Variants in CUX2 observed in about 807,000 individuals in gnomAD.
The protein encoded by CUX2 is cut like homeobox 2.
In CUX2, 40 loss-of-function variants were observed where a neutral mutation model predicts 144.8. That is an observed-to-expected ratio of 0.28 (90% CI 0.21 to 0.36). The LOEUF (loss-of-function observed/expected upper bound fraction) is 0.36. Ranked by LOEUF, CUX2 falls within the 10% of genes least tolerant of loss-of-function variation. The probability of loss-of-function intolerance (pLI) is 1.00; values close to 1 mark genes in which losing one functional copy is unlikely to be tolerated. For synonymous variants in CUX2, 827 were observed against 875.6 expected (o/e 0.94, Z 0.98); for missense variants, 1,615 against 1,994.0 (o/e 0.81, Z 3.62).
intron 1 of CUX2, among the ~76,000 whole-genome samples, chr12:111,176,476 A>G (rs572101812): frequency 3.1e-4 from 47 of 152,236 alleles, no homozygotes; most frequent in Non-Finnish European, 5.1e-4. Flanking sequence ...TTCCTCTTCT[A>G]TTACATAAGG....
intron 1 of CUX2, among the ~76,000 whole-genome samples, chr12:111,148,312 G>A (rs944501135): frequency 2.6e-5 from 4 of 152,038 alleles, no homozygotes; most frequent in African/African-American, 9.7e-5. Flanking sequence ...ACTTACAGGA[G>A]GTCCCTAGAG....
chr12:111,310,165 G>A lies in CUX2; in HGVS notation c.1383G>A (p.Gln461=). The change falls in exon 15 of 22, where the codon CAG becomes CAA. Residue 461 remains glutamine, a synonymous_variant. Transcript: ENST00000261726. The surrounding 1 kb of genome is among the most constrained non-coding windows in gnomAD (Gnocchi z 7.9). ...PEDPLSPSPG[Q]PLLGPSLGPD... ...ACCCCCTGTCTCCCAGCCCCGGGCA[G>A]CCCCTGCTGGGCCCCAGCTTGGGGC... 1 of 1,552,938 alleles carries A rather than the reference G, an allele frequency of 6.4e-7. No individual in the cohort carries two copies. Among genetic ancestry groups the A allele is most frequent in the Non-Finnish European group, 8.7e-7 (1 of 1,151,162 alleles).
In CUX2 at chr12:111,322,943, C is replaced by G. The variant is rs1887606092; in HGVS notation, c.2926+363C>G. Among the ~76,000 whole-genome samples the G allele has an allele frequency of 6.6e-6, 1 of 152,216 alleles. No homozygotes were observed. Among genetic ancestry groups the G allele is most frequent in the South Asian group, 2.1e-4 (1 of 4,830 alleles). On this transcript the variant is annotated intron_variant, in intron 18 of 21. Coordinates refer to ENST00000261726, the MANE Select transcript of CUX2 (RefSeq NM_015267.4). This position sits in a 1 kb window ranked among gnomAD's most constrained non-coding sequence, Gnocchi z 4.2. ...GATCTCAGCTCTGTTTCCTGAAGAC[C>G]TAGCGTGCAGCCTCAGACTCCTTCT...
Position 111,320,110 on chromosome 12 carries a change from C to T in CUX2, c.2101C>T (p.Arg701Cys), listed in dbSNP as rs912084400. 6 of 1,557,886 alleles carry T rather than the reference C, an allele frequency of 3.9e-6. No individual in the cohort carries two copies. Among genetic ancestry groups the T allele is most frequent in the African/African-American group, 1.4e-5 (1 of 73,680 alleles). ...CATCAAGAGCATCCTGGAGCAGGCA[C>T]GCCGTGAGATGCAGGCGCAACAGCA... ...DAIKSILEQA[R>C]REMQAQQQAL... The change falls in exon 17 of 22, where the codon CGC becomes TGC. Residue 701 changes from arginine (R) to cysteine (C), a missense_variant. Around this residue, in one of 12 missense-constraint regions of CUX2, gnomAD observed 390 missense variants for 387.1 expected, o/e 1.01. Transcript: ENST00000261726. The surrounding 1 kb of genome is among the most constrained non-coding windows in gnomAD (Gnocchi z 8.1).
At chr12:111,313,405 C>T (rs1009073170) in intron 16 of CUX2, among the ~76,000 whole-genome samples, 6 of 150,618 alleles carry the variant, frequency 4.0e-5, no homozygotes, top group African/African-American at 1.5e-4. Context: ...TGTGGGAGGC[C>T]GAGGCGGGCG....
rs1171025777 is a variant in CUX2 at position 111,313,264 on chromosome 12, T to C, written c.2002+1063T>C. Among the ~76,000 whole-genome samples, 5 of 127,664 alleles carry C rather than the reference T, an allele frequency of 3.9e-5. No homozygotes were observed. In the East Asian group the frequency reaches 1.2e-3, roughly 30 times the overall value. The allele number at this position is 127,664 out of a possible 152,430, so 83.8% of individuals were successfully genotyped here. On this transcript the variant is annotated intron_variant, in intron 16 of 21. Transcript: ENST00000261726. ...TTTTGTATTTTTAGTAGAGATGGGG[T>C]TTCACCATGTTGGTCAGGCTGCTCT...
chr12:111,055,619 G>A lies in CUX2; in HGVS notation c.63+21379G>A, dbSNP rs189451559. Among the ~76,000 whole-genome samples, 658 of 152,354 alleles carry A rather than the reference G, an allele frequency of 4.3e-3. 6 individuals carry two copies. Among genetic ancestry groups the A allele is most frequent in the African/African-American group, 0.015 (623 of 41,584 alleles). ...GGGCGAGGAGAGAAACCAAGGCCCA[G>A]CTCCTGCCTCCCGCCTGGCCCCCAA... On this transcript the variant is annotated intron_variant, in intron 1 of 21. Coordinates refer to ENST00000261726, the MANE Select transcript of CUX2 (RefSeq NM_015267.4).
chr12:111,329,321 C>T (rs1020876380), intron 18 of CUX2, among the ~76,000 whole-genome samples: 5 of 151,842 alleles, frequency 3.3e-5, no homozygotes, highest in Non-Finnish European at 7.4e-5. Flanking sequence ...CTCTCCCTGT[C>T]GTCGCCTCCC....
chr12:111,136,580 G>C (rs1196388774), intron 1 of CUX2, among the ~76,000 whole-genome samples: 1 of 152,238 alleles, frequency 6.6e-6, no homozygotes, highest in African/African-American at 2.4e-5. Context: ...GAAGCCCTCA[G>C]CTCTTGGTTG....
intron 1 of CUX2, among the ~76,000 whole-genome samples, chr12:111,133,471 C>T (rs887539807): frequency 6.6e-6 from 1 of 152,120 alleles, no homozygotes; most frequent in African/African-American, 2.4e-5. Context: ...GAAGCAAAAA[C>T]GGAAACCCCT....
intron 4 of CUX2, among the ~76,000 whole-genome samples, chr12:111,271,409 A>G (rs976729619): frequency 6.6e-6 from 1 of 152,160 alleles, no homozygotes; most frequent in African/African-American, 2.4e-5. Flanking sequence ...TGTTTCCTTT[A>G]TCTGACATGA....
chr12:111,206,641 C>T (rs1391156722), intron 1 of CUX2, among the ~76,000 whole-genome samples: 2 of 152,170 alleles, frequency 1.3e-5, no homozygotes, highest in Non-Finnish European at 2.9e-5. Flanking sequence ...TAGCACTGTG[C>T]CTGACACAGA....
chr12:111,233,038 G>A (rs1882557244), intron 3 of CUX2, among the ~76,000 whole-genome samples: 1 of 152,214 alleles, frequency 6.6e-6, no homozygotes. Context: ...ACCTGTGTAT[G>A]AATTGAAGCA....
chr12:111,327,379 G>T (rs555819234), intron 18 of CUX2, among the ~76,000 whole-genome samples: 1 of 151,978 alleles, frequency 6.6e-6, no homozygotes, highest in African/African-American at 2.4e-5. Flanking sequence ...TCAGTTCTTC[G>T]AACATATATC....
intron 3 of CUX2, among the ~76,000 whole-genome samples, chr12:111,253,238 C>T (rs914121062): frequency 2.6e-5 from 4 of 152,128 alleles, no homozygotes; most frequent in African/African-American, 7.2e-5. Flanking sequence ...AAAACCCTCC[C>T]GTGGCTCCTC....
chr12:111,176,039 CTTTTT>C (rs1172563784), intron 1 of CUX2, among the ~76,000 whole-genome samples: 2 of 70,198 alleles, frequency 2.8e-5, no homozygotes, highest in Non-Finnish European at 2.6e-5. Context: ...TCTTCTTCTT[CTTTTT>C]TTTTTTTTTT....
chr12:111,165,132 G>T (rs1878057393), intron 1 of CUX2, among the ~76,000 whole-genome samples: 1 of 152,218 alleles, frequency 6.6e-6, no homozygotes, highest in Non-Finnish European at 1.5e-5. Flanking sequence ...GCTGTCAGAA[G>T]GGCCTCTGTG....
rs1197503444 is a variant in CUX2 at position 111,190,433 on chromosome 12, C to T, written c.64-23767C>T. ...CACACCCCACACTCTTGTTCCTGAC[C>T]TTTCTCAGGGAGACATCTCCCCAAA... On this transcript the variant is annotated intron_variant, in intron 1 of 21. Transcript: ENST00000261726. This position sits in a 1 kb window ranked among gnomAD's most constrained non-coding sequence, Gnocchi z 4.0. 2.0e-5 allele frequency among the ~76,000 whole-genome samples: 3 copies of T among 152,170 alleles called. No individual in the cohort carries two copies. The highest frequency in any genetic ancestry group is 4.4e-5 in the Non-Finnish European group (3 of 68,036).
In CUX2 at chr12:111,113,621, C is replaced by A. The variant is rs557983948; in HGVS notation, c.63+79381C>A. On this transcript the variant is annotated intron_variant, in intron 1 of 21. Coordinates refer to ENST00000261726, the MANE Select transcript of CUX2 (RefSeq NM_015267.4). ...TCAGGCTGGAGTGCAGTGGCACGAT[C>A]TCAGCTCACTGCAACCTCCACCTCC... 3.9e-5 allele frequency among the ~76,000 whole-genome samples: 6 copies of A among 152,322 alleles called. No homozygotes were observed. In the South Asian group the frequency reaches 1.2e-3, roughly 32 times the overall value.
Sources: gnomAD v4.1 joint callset for allele counts (sites outside exome capture counted in the v4.1 genomes callset) on GRCh38, gnomAD v4.1.1 for gene constraint, gnomAD v4.1.1 regional missense constraint, Gnocchi (gnomAD v3.1) non-coding constraint, MANE v1.5 for transcripts, NCBI Gene and HGNC (gene_info 2026-07-23, HGNC 2026-07-21) for gene names.